Variants in CAMK4 observed in about 807,000 individuals in gnomAD.
The protein encoded by CAMK4 is calcium/calmodulin dependent protein kinase IV.
In CAMK4, 22 loss-of-function variants were observed where a neutral mutation model predicts 44.9. The ratio of observed to expected loss-of-function variants is 0.49; its 90% CI spans 0.35 to 0.70. CAMK4 has a LOEUF of 0.70. Ranked by LOEUF, CAMK4 falls within the 30% of genes least tolerant of loss-of-function variation. CAMK4 has a pLI of 0.01. For missense variants in CAMK4, 498 were observed against 586.8 expected, an observed-to-expected ratio of 0.85 and a Z score of 1.56; for synonymous variants, 218 against 215.4, an observed-to-expected ratio of 1.01 and a Z score of -0.11.
chr5:111,336,352 TA>T (rs1263298445), intron 1 of CAMK4, among the ~76,000 whole-genome samples: 2 of 151,266 alleles, frequency 1.3e-5, no homozygotes, highest in Non-Finnish European at 3.0e-5. Flanking sequence ...TATTAAAAAT[TA>T]ACTGTTAATA....
intron 1 of CAMK4, among the ~76,000 whole-genome samples, chr5:111,245,478 T>C (rs541698013): frequency 6.6e-6 from 1 of 152,308 alleles, no homozygotes; most frequent in African/African-American, 2.4e-5. Context: ...TACTAATACA[T>C]TTTCTGCCAT....
chr5:111,366,725 C>A (rs1215270879), intron 2 of CAMK4, among the ~76,000 whole-genome samples: 1 of 152,092 alleles, frequency 6.6e-6, no homozygotes, highest in African/African-American at 2.4e-5. Context: ...AATTATACCT[C>A]TTATCTACTT....
chr5:111,444,666 C>G (rs912629273), intron 5 of CAMK4, among the ~76,000 whole-genome samples: 1 of 152,156 alleles, frequency 6.6e-6, no homozygotes, highest in Non-Finnish European at 1.5e-5. Flanking sequence ...CCCCAAATCA[C>G]GAAGCCATCT....
intron 1 of CAMK4, among the ~76,000 whole-genome samples, chr5:111,332,153 A>G (rs974397692): frequency 1.3e-5 from 2 of 151,472 alleles, no homozygotes; most frequent in African/African-American, 4.8e-5. Flanking sequence ...GTATGTATAC[A>G]TGTGCCATGC....
intron 1 of CAMK4, among the ~76,000 whole-genome samples, chr5:111,275,289 C>T (rs565064752): frequency 2.6e-5 from 4 of 151,946 alleles, no homozygotes; most frequent in African/African-American, 7.2e-5. Context: ...TATATTCTCC[C>T]GAGAACAAGA....
intron 5 of CAMK4, among the ~76,000 whole-genome samples, chr5:111,446,019 T>C (rs1477227686): frequency 1.3e-5 from 2 of 152,226 alleles, no homozygotes; most frequent in Non-Finnish European, 2.9e-5. Flanking sequence ...CATGTATGCT[T>C]ATACGTGATT....
chr5:111,293,094 A>G (rs1747341088), intron 1 of CAMK4, among the ~76,000 whole-genome samples: 1 of 152,202 alleles, frequency 6.6e-6, no homozygotes, highest in Non-Finnish European at 1.5e-5. Flanking sequence ...ACTGAATATA[A>G]TTGGTATTCA....
At chr5:111,230,644 C>T (rs1748425448) in intron 1 of CAMK4, among the ~76,000 whole-genome samples, 1 of 151,500 alleles carries the variant, frequency 6.6e-6, no homozygotes, top group Admixed American at 6.6e-5. Flanking sequence ...AAAAAGAACA[C>T]TAACCACAAA....
At chr5:111,475,733 C>T (rs973619162) in intron 8 of CAMK4, among the ~76,000 whole-genome samples, 1 of 152,152 alleles carries the variant, frequency 6.6e-6, no homozygotes, top group Admixed American at 6.5e-5. Flanking sequence ...GTTTTATTTA[C>T]TCTGTAGTTC....
intron 2 of CAMK4, among the ~76,000 whole-genome samples, chr5:111,367,777 A>C (rs1280877838): frequency 6.6e-6 from 1 of 152,114 alleles, no homozygotes; most frequent in Non-Finnish European, 1.5e-5. Context: ...GAAACAAAGG[A>C]AATTACTGGG....
At chr5:111,246,636 A>G (rs1015981897) in intron 1 of CAMK4, among the ~76,000 whole-genome samples, 6 of 152,184 alleles carry the variant, frequency 3.9e-5, no homozygotes, top group Admixed American at 3.9e-4. Flanking sequence ...GCCAACCATC[A>G]TCATCCAGGA....
Position 111,485,297 on chromosome 5 carries a change from T to C in CAMK4, c.*831T>C, listed in dbSNP as rs1295905997. 2 of 152,208 alleles carry C rather than the reference T, an allele frequency of 1.3e-5. No individual in the cohort carries two copies. The highest frequency in any genetic ancestry group is 4.8e-5 in the African/African-American group (2 of 41,458). 9.4% of individuals were successfully genotyped at this position (152,208 alleles called of 1,614,324 possible). ...CTTAAACTGATGAAGATAAGATTGA[T>C]TCCTTTTCATTTTCCAGATAAAATT... On this transcript the variant is annotated 3_prime_UTR_variant, in exon 11 of 11. Coordinates refer to ENST00000282356, the MANE Select transcript of CAMK4 (RefSeq NM_001744.6).
At chr5:111,409,888 C>A (rs1752571106) in intron 5 of CAMK4, among the ~76,000 whole-genome samples, 1 of 152,174 alleles carries the variant, frequency 6.6e-6, no homozygotes, top group African/African-American at 2.4e-5. Context: ...ACTTTATTGT[C>A]CATATCACTA....
chr5:111,330,769 G>C (rs1302965687), intron 1 of CAMK4, among the ~76,000 whole-genome samples: 4 of 151,652 alleles, frequency 2.6e-5, no homozygotes, highest in Non-Finnish European at 5.9e-5. Context: ...AATCAGAGTA[G>C]TGAGGCGTTG....
intron 1 of CAMK4, among the ~76,000 whole-genome samples, chr5:111,226,206 G>A (rs186386867): frequency 5.6e-4 from 85 of 152,228 alleles, no homozygotes; most frequent in African/African-American, 1.3e-3. Context: ...ATCCACACAC[G>A]TTGTCTTTAT....
intron 1 of CAMK4, among the ~76,000 whole-genome samples, chr5:111,282,111 G>A (rs1751048881): frequency 1.3e-5 from 2 of 151,828 alleles, no homozygotes; most frequent in Admixed American, 6.6e-5. Flanking sequence ...CTAATTTATT[G>A]CATTTTTTCT....
chr5:111,395,683 T>C (rs192907329), intron 5 of CAMK4, among the ~76,000 whole-genome samples: 3 of 152,338 alleles, frequency 2.0e-5, no homozygotes, highest in African/African-American at 7.2e-5. Flanking sequence ...TATATACTGT[T>C]GAGAAGCTTT....
chr5:111,242,879 C>G (rs1276169528), intron 1 of CAMK4, among the ~76,000 whole-genome samples: 1 of 152,078 alleles, frequency 6.6e-6, no homozygotes, highest in Non-Finnish European at 1.5e-5. Context: ...TTGTAAACAC[C>G]TTTTCTGATT....
intron 2 of CAMK4, 120 bp downstream of exon 2, chr5:111,344,222 C>T: frequency 1.7e-6 from 1 of 580,648 alleles, no homozygotes; most frequent in Non-Finnish European, 3.0e-6. Context: ...CCATTTGACT[C>T]TTGATTACGG....
Sources: gnomAD v4.1 joint callset for allele counts (sites outside exome capture counted in the v4.1 genomes callset) on GRCh38, gnomAD v4.1.1 for gene constraint, MANE v1.5 for transcripts, NCBI Gene and HGNC (gene_info 2026-07-23, HGNC 2026-07-21) for gene names.